CHRM5: variants seen among roughly 807,000 people sequenced by gnomAD.
CHRM5 encodes cholinergic receptor muscarinic 5.
A neutral mutation model predicts 39.0 loss-of-function variants in CHRM5; 18 were observed. The ratio of observed to expected loss-of-function variants is 0.46; its 90% CI spans 0.32 to 0.68. The LOEUF (loss-of-function observed/expected upper bound fraction) is 0.68. CHRM5 is among the 30% of genes least tolerant of loss of function. The pLI, the probability that CHRM5 is intolerant of heterozygous loss-of-function variation, is 0.04. For synonymous variants in CHRM5, 241 were observed against 246.3 expected (o/e 0.98, Z 0.20); for missense variants, 515 against 651.1 (o/e 0.79, Z 2.28).
chr15:33,976,369 TA>T (rs1236607883), intron 1 of CHRM5, among the ~76,000 whole-genome samples: 3 of 152,254 alleles, frequency 2.0e-5, no homozygotes, highest in Non-Finnish European at 4.4e-5. Context: ...CTTTTTTCTC[TA>T]AAATACTTTA....
At chr15:34,029,352 TC>T (rs1355389372) in intron 1 of CHRM5, among the ~76,000 whole-genome samples, 17 of 152,144 alleles carry the variant, frequency 1.1e-4, no homozygotes, top group African/African-American at 4.1e-4. Flanking sequence ...ATTCAATAAT[TC>T]CCTTGGCTGA....
At chr15:33,987,538 T>A (rs1189203244) in intron 1 of CHRM5, among the ~76,000 whole-genome samples, 1 of 152,148 alleles carries the variant, frequency 6.6e-6, no homozygotes, top group Non-Finnish European at 1.5e-5. Flanking sequence ...TGGGACCATC[T>A]CTTTGCCCAT....
At chr15:33,982,113 C>T (rs1468744479) in intron 1 of CHRM5, among the ~76,000 whole-genome samples, 3 of 151,866 alleles carry the variant, frequency 2.0e-5, no homozygotes, top group Non-Finnish European at 2.9e-5. Context: ...ATGATCCACC[C>T]GCCTCAGCCT....
At chr15:33,978,748 T>C (rs1896005033) in intron 1 of CHRM5, among the ~76,000 whole-genome samples, 1 of 152,080 alleles carries the variant, frequency 6.6e-6, no homozygotes, top group South Asian at 2.1e-4. Flanking sequence ...AAAAACAGAA[T>C]TCGGCCTTAC....
chr15:34,051,085 A>T (rs1303794072), intron 2 of CHRM5, among the ~76,000 whole-genome samples: 1 of 152,212 alleles, frequency 6.6e-6, no homozygotes, highest in Non-Finnish European at 1.5e-5. Context: ...TCTAAAACTG[A>T]TTACATAATC....
At chr15:33,992,736 G>A (rs372755285) in intron 1 of CHRM5, among the ~76,000 whole-genome samples, 1 of 152,142 alleles carries the variant, frequency 6.6e-6, no homozygotes, top group Non-Finnish European at 1.5e-5. Flanking sequence ...GAAAAGGTTC[G>A]AGGTTTAATT....
chr15:34,053,313 A>ATATATAT (rs1480493613), intron 2 of CHRM5, among the ~76,000 whole-genome samples: 3 of 94,598 alleles, frequency 3.2e-5, no homozygotes, highest in African/African-American at 4.3e-5. Context: ...AAAAAAAAAA[A>ATATATAT]AAAAAAATAT....
chr15:34,023,688 G>C (rs1898311080), intron 1 of CHRM5, among the ~76,000 whole-genome samples: 1 of 152,140 alleles, frequency 6.6e-6, no homozygotes, highest in Non-Finnish European at 1.5e-5. Context: ...TCTGTTGCTT[G>C]CCATCCCTTC....
chr15:34,006,008 A>G (rs1897320815), intron 1 of CHRM5, among the ~76,000 whole-genome samples: 1 of 152,134 alleles, frequency 6.6e-6, no homozygotes, highest in Non-Finnish European at 1.5e-5. Flanking sequence ...AATACCAGGA[A>G]CATTCTACAG....
chr15:33,990,232 C>A, intron 1 of CHRM5, among the ~76,000 whole-genome samples: 1 of 150,756 alleles, frequency 6.6e-6, no homozygotes, highest in East Asian at 1.9e-4. Flanking sequence ...ACAAAAAAAA[C>A]TTAGCCAGGC....
intron 2 of CHRM5, among the ~76,000 whole-genome samples, chr15:34,055,730 G>A (rs1900119012): frequency 6.6e-6 from 1 of 151,842 alleles, no homozygotes; most frequent in Non-Finnish European, 1.5e-5. Context: ...GAACCCGGGA[G>A]GTGGAGCTTG....
chr15:34,006,082 A>T (rs532493987), intron 1 of CHRM5, among the ~76,000 whole-genome samples: 2 of 152,140 alleles, frequency 1.3e-5, no homozygotes, highest in Non-Finnish European at 2.9e-5. Flanking sequence ...GAGGCCGAGG[A>T]GGGCAGATCA....
intron 1 of CHRM5, among the ~76,000 whole-genome samples, chr15:34,033,001 AGTGAC>A (rs1048252138): frequency 6.6e-6 from 1 of 152,228 alleles, no homozygotes; most frequent in African/African-American, 2.4e-5. Context: ...TAATGAACTG[AGTGAC>A]ATTGATATGG....
chr15:34,037,506 T>G (rs1293171801), intron 1 of CHRM5, among the ~76,000 whole-genome samples: 1 of 149,438 alleles, frequency 6.7e-6, no homozygotes, highest in Non-Finnish European at 1.5e-5. Context: ...GTAGTTAATA[T>G]ATAATTACAT....
chr15:34,045,727 C>T (rs777180930), intron 1 of CHRM5, among the ~76,000 whole-genome samples: 5 of 51,272 alleles, frequency 9.8e-5, no homozygotes, highest in Admixed American at 2.7e-4. Context: ...TTTCAGAAAA[C>T]GAAGGCCTAA....
rs1897353554 is a variant in CHRM5 at position 34,006,554 on chromosome 15, T to A, written c.-408+37404T>A. Among the ~76,000 whole-genome samples the A allele has an allele frequency of 2.0e-5, 3 of 152,214 alleles. No individual in the cohort carries two copies. The South Asian group carries it at 6.2e-4, about 32-fold the overall frequency. On this transcript the variant is annotated intron_variant, in intron 1 of 2. Coordinates refer to ENST00000383263, the MANE Select transcript of CHRM5 (RefSeq NM_012125.4). ...ACCTTGATCTAAAAGAGGATTATGA[T>A]CTAAAACACCTAAGGAACGATTAAT...
At chr15:33,976,833 C>T (rs946410668) in intron 1 of CHRM5, among the ~76,000 whole-genome samples, 8 of 152,142 alleles carry the variant, frequency 5.3e-5, no homozygotes, top group African/African-American at 1.9e-4. Context: ...AACAAACATC[C>T]TAGGCATAGA....
intron 1 of CHRM5, among the ~76,000 whole-genome samples, chr15:34,024,294 AT>A (rs1898339695): frequency 6.6e-6 from 1 of 152,260 alleles, no homozygotes; most frequent in African/African-American, 2.4e-5. Context: ...TCAGGTAGTG[AT>A]AAATGGTATC....
At chr15:34,056,399 C>G (rs1400413117) in intron 2 of CHRM5, among the ~76,000 whole-genome samples, 2 of 152,116 alleles carry the variant, frequency 1.3e-5, no homozygotes, top group South Asian at 2.1e-4. Flanking sequence ...TTCATGGATT[C>G]CACAGGATAT....
Sources: gnomAD v4.1 joint callset for allele counts (sites outside exome capture counted in the v4.1 genomes callset) on GRCh38, gnomAD v4.1.1 for gene constraint, MANE v1.5 for transcripts, NCBI Gene and HGNC (gene_info 2026-07-23, HGNC 2026-07-21) for gene names.